TNFAIP8: variants seen among roughly 807,000 people sequenced by gnomAD.
TNFAIP8 encodes the protein tumor necrosis factor alpha-induced protein 8.
In TNFAIP8, 7 loss-of-function variants were observed where a neutral mutation model predicts 13.3. The ratio of observed to expected loss-of-function variants is 0.52; its 90% CI spans 0.30 to 0.99. The LOEUF (loss-of-function observed/expected upper bound fraction) is 0.99. TNFAIP8 is among the 50% of genes least tolerant of loss of function. TNFAIP8 has a pLI of 0.07. For synonymous variants in TNFAIP8, 94 were observed against 87.6 expected (o/e 1.07, Z -0.41); for missense variants, 258 against 236.9 (o/e 1.09, Z -0.58).
chr5:119,318,740 C>G (rs1415155340), intron 1 of TNFAIP8, among the ~76,000 whole-genome samples: 1 of 149,838 alleles, frequency 6.7e-6, no homozygotes, highest in African/African-American at 2.5e-5. Flanking sequence ...CTCACCATCT[C>G]ATGAACCCTT....
chr5:119,282,445 C>A (rs776434865), intron 1 of TNFAIP8, among the ~76,000 whole-genome samples: 11 of 152,138 alleles, frequency 7.2e-5, no homozygotes, highest in Non-Finnish European at 1.6e-4. Context: ...ACGGGCCCTT[C>A]CCCTGAGCAG....
intron 1 of TNFAIP8, among the ~76,000 whole-genome samples, chr5:119,376,530 GT>G: frequency 6.6e-6 from 1 of 151,992 alleles, no homozygotes; most frequent in East Asian, 1.9e-4. Flanking sequence ...TATTTCGGTT[GT>G]TTTATAAAAA....
chr5:119,302,788 TATC>T (rs1260950155), intron 1 of TNFAIP8, among the ~76,000 whole-genome samples: 1 of 152,194 alleles, frequency 6.6e-6, no homozygotes. Context: ...CAAACTCTCT[TATC>T]ATATGCTGAG....
At chr5:119,279,913 A>C (rs1254443580) in intron 1 of TNFAIP8, among the ~76,000 whole-genome samples, 1 of 152,336 alleles carries the variant, frequency 6.6e-6, no homozygotes, top group Admixed American at 6.5e-5. Context: ...CAGTGTTCGT[A>C]AGATGCTGGT....
intron 1 of TNFAIP8, among the ~76,000 whole-genome samples, chr5:119,381,747 A>C (rs572708004): frequency 6.6e-6 from 1 of 152,042 alleles, no homozygotes; most frequent in South Asian, 2.1e-4. Flanking sequence ...AGAGTGGCCA[A>C]TATGGTGAAA....
chr5:119,302,026 C>T (rs778261756), intron 1 of TNFAIP8, among the ~76,000 whole-genome samples: 5 of 152,206 alleles, frequency 3.3e-5, no homozygotes, highest in African/African-American at 9.6e-5. Flanking sequence ...TTCCAAGGTC[C>T]TGTCATGCTC....
chr5:119,373,870 A>G (rs1752179561), intron 1 of TNFAIP8, among the ~76,000 whole-genome samples: 1 of 152,226 alleles, frequency 6.6e-6, no homozygotes, highest in African/African-American at 2.4e-5. Flanking sequence ...CTGCCAGCTC[A>G]CAGAAGCTTA....
chr5:119,328,049 C>G (rs1046555637), intron 1 of TNFAIP8, among the ~76,000 whole-genome samples: 13 of 152,140 alleles, frequency 8.5e-5, no homozygotes, highest in Non-Finnish European at 1.5e-4. Context: ...AGGGAAGAAA[C>G]AGACCATAAG....
intron 1 of TNFAIP8, among the ~76,000 whole-genome samples, chr5:119,277,805 G>A (rs1345569528): frequency 6.6e-6 from 1 of 152,192 alleles, no homozygotes; most frequent in Non-Finnish European, 1.5e-5. Context: ...TGTCTGGTGA[G>A]GGCAGCTCTG....
chr5:119,287,268 G>T (rs958399195), intron 1 of TNFAIP8, among the ~76,000 whole-genome samples: 2 of 142,242 alleles, frequency 1.4e-5, no homozygotes, highest in East Asian at 2.1e-4. Context: ...GCTTCCAGGG[G>T]ACAGTAACCA....
chr5:119,298,871 T>C (rs1388110754), intron 1 of TNFAIP8, among the ~76,000 whole-genome samples: 1 of 152,246 alleles, frequency 6.6e-6, no homozygotes, highest in Non-Finnish European at 1.5e-5. Flanking sequence ...CTTCCATCAC[T>C]GATACCCTTT....
At chr5:119,356,362 C>T (rs1260684786) in intron 1 of TNFAIP8, among the ~76,000 whole-genome samples, 1 of 151,968 alleles carries the variant, frequency 6.6e-6, no homozygotes, top group Non-Finnish European at 1.5e-5. Context: ...TCAGCCAGCC[C>T]ACTAAGTCTG....
chr5:119,355,737 T>C (rs1751372235), upstream of TNFAIP8: 2 of 252,412 alleles, frequency 7.9e-6, no homozygotes, highest in Admixed American at 5.7e-5. Flanking sequence ...CGACGGTTCT[T>C]CTCGGCCCTG....
chr5:119,277,442 ATAT>A (rs1011377275), intron 1 of TNFAIP8, among the ~76,000 whole-genome samples: 25 of 152,050 alleles, frequency 1.6e-4, no homozygotes, highest in African/African-American at 5.8e-4. Context: ...AAAATTTTTA[ATAT>A]TATAGCTCAC....
intron 1 of TNFAIP8, among the ~76,000 whole-genome samples, chr5:119,272,203 G>A (rs185421652): frequency 5.9e-5 from 9 of 152,288 alleles, no homozygotes; most frequent in African/African-American, 1.9e-4. Context: ...CCTGGTCTAT[G>A]GCCTTACACC....
At chr5:119,343,204 C>T (rs1215840767) in intron 1 of TNFAIP8, among the ~76,000 whole-genome samples, 2 of 152,198 alleles carry the variant, frequency 1.3e-5, no homozygotes, top group Non-Finnish European at 2.9e-5. Flanking sequence ...GTCTGGAGTC[C>T]ACTGGACTTC....
At chr5:119,292,647 T>TAC (rs1749023856) in intron 1 of TNFAIP8, among the ~76,000 whole-genome samples, 1 of 18,708 alleles carries the variant, frequency 5.3e-5, no homozygotes, top group South Asian at 1.5e-3. Context: ...CAATGTAGCA[T>TAC]ATATATATAT....
intron 1 of TNFAIP8, among the ~76,000 whole-genome samples, chr5:119,313,238 A>G (rs1354411389): frequency 6.6e-6 from 1 of 152,234 alleles, no homozygotes; most frequent in Non-Finnish European, 1.5e-5. Flanking sequence ...AGACTACTTA[A>G]CAGCTCCAAA....
At chr5:119,375,473 T>A (rs148953874) in intron 1 of TNFAIP8, among the ~76,000 whole-genome samples, 1 of 152,248 alleles carries the variant, frequency 6.6e-6, no homozygotes, top group East Asian at 1.9e-4. Flanking sequence ...GGTTGTGTTA[T>A]GTTACTTGCC....
Sources: allele counts gnomAD v4.1 joint callset (sites outside exome capture counted in the v4.1 genomes callset), GRCh38; gene constraint gnomAD v4.1.1; transcripts MANE v1.5; gene names NCBI Gene and HGNC (gene_info 2026-07-23, HGNC 2026-07-21).